Variants in WNT11 observed in about 807,000 individuals in gnomAD.
The protein encoded by WNT11 is protein Wnt-11.
WNT11 carries 20 observed loss-of-function variants against 35.6 expected under a neutral mutation model. That is an observed-to-expected ratio of 0.56 (90% CI 0.40 to 0.82). The LOEUF (loss-of-function observed/expected upper bound fraction) is 0.82. Ranked by LOEUF, WNT11 falls within the 40% of genes least tolerant of loss-of-function variation. The pLI, the probability that WNT11 is intolerant of heterozygous loss-of-function variation, is 0.00. For missense variants in WNT11, 459 were observed against 504.4 expected, an observed-to-expected ratio of 0.91 and a Z score of 0.86; for synonymous variants, 200 against 211.9, an observed-to-expected ratio of 0.94 and a Z score of 0.49.
chr11:76,210,344 T>G (rs565829211), upstream of WNT11: 1 of 817,964 alleles, frequency 1.2e-6, no homozygotes, highest in African/African-American at 1.8e-5. Context: ...TTGGTTTGCT[T>G]ACCCGGGAGT....
chr11:76,187,795 T>C (rs1005618446), intron 4 of WNT11, among the ~76,000 whole-genome samples: 8 of 152,202 alleles, frequency 5.3e-5, no homozygotes, highest in African/African-American at 1.7e-4. Context: ...TGTTTTGTTG[T>C]CTTGGAGATA....
intron 4 of WNT11, 28 bp from the exon 5 acceptor site, chr11:76,187,267 T>A (rs758728278): frequency 6.3e-7 from 1 of 1,587,246 alleles, no homozygotes; most frequent in Non-Finnish European, 8.5e-7. Flanking sequence ...AGGAGGTCAG[T>A]GCATGCCTTG....
intron 4 of WNT11, among the ~76,000 whole-genome samples, chr11:76,190,544 C>T (rs4945045): frequency 0.12 from 18,584 of 152,134 alleles, 1,268 homozygotes; most frequent in Non-Finnish European, 0.15. Flanking sequence ...ACGTGGGCTG[C>T]GGAGGAAGTC....
At chr11:76,205,352 C>G (rs1174358905) in intron 1 of WNT11, among the ~76,000 whole-genome samples, 1 of 152,016 alleles carries the variant, frequency 6.6e-6, no homozygotes, top group African/African-American at 2.4e-5. Context: ...ATTCCAGACC[C>G]TTGTCCTGTC....
In WNT11 at chr11:76,205,837, G is replaced by C. The variant is rs188124749; in HGVS notation, c.83+488C>G. ...TCATCTGATTTGAGGGAGGTGGGGA[G>C]TCTCACCCTCCCGTGACAGAGGAGG... is the stretch of plus-strand genomic sequence containing the variant. On this transcript the variant is annotated intron_variant, in intron 1 of 4. Transcript: ENST00000322563. 4.9e-3 allele frequency among the ~76,000 whole-genome samples: 751 copies of C among 152,314 alleles called. 6 individuals are homozygous for C. The highest frequency in any genetic ancestry group is 0.046 in the South Asian group (222 of 4,828).
At chr11:76,197,794 C>T (rs956591510) in intron 1 of WNT11, among the ~76,000 whole-genome samples, 2 of 152,128 alleles carry the variant, frequency 1.3e-5, no homozygotes, top group African/African-American at 4.8e-5. Context: ...CCAGGCCCCT[C>T]CTCGATCTGC....
At chr11:76,200,841 G>A (rs781408326) in intron 1 of WNT11, among the ~76,000 whole-genome samples, 51 of 152,356 alleles carry the variant, frequency 3.3e-4, no homozygotes, top group African/African-American at 7.5e-4. Context: ...GCACATCAGC[G>A]CATGGCCTAG....
At chr11:76,187,340 A>G in intron 4 of WNT11, 101 bp from the exon 5 acceptor site, 1 of 1,163,132 alleles carries the variant, frequency 8.6e-7, no homozygotes, top group Non-Finnish European at 1.1e-6. Context: ...TCCCATGGCC[A>G]CCGACTCAGC....
chr11:76,210,752 C>A (rs1953562010), upstream of WNT11: 12 of 870,940 alleles, frequency 1.4e-5, no homozygotes, highest in Non-Finnish European at 1.7e-5. Context: ...CCTCGCCTGG[C>A]GCGATCTCCG....
intron 2 of WNT11, chr11:76,195,175 G>A (rs539726129): frequency 4.8e-5 from 17 of 354,434 alleles, no homozygotes; most frequent in South Asian, 3.7e-4. Flanking sequence ...CTCCTGATGC[G>A]CCAGACAAAT....
rs1591314495 is a variant in WNT11 at position 76,206,414 on chromosome 11, G to C, written c.-7C>G. 1.3e-6 allele frequency: 2 copies of C among 1,500,712 alleles called. No homozygotes were observed. Among genetic ancestry groups the C allele is most frequent in the African/African-American group, 1.4e-5 (1 of 69,726 alleles). The allele number at this position is 1,500,712 out of a possible 1,614,324, so 93.0% of individuals were successfully genotyped here. A position where few individuals can be genotyped will look rare whatever the true frequency, so the allele number is the denominator to read the frequency against. On this transcript the variant is annotated 5_prime_UTR_variant, in exon 1 of 5. Transcript: ENST00000322563. ...CCTGCGGCCGCGCCCTCATCGTCGC[G>C]CGGCGGGCGCGCCCGGGGTCACACC...
chr11:76,202,549 C>T (rs1953397076), intron 1 of WNT11, among the ~76,000 whole-genome samples: 2 of 152,044 alleles, frequency 1.3e-5, no homozygotes, highest in Admixed American at 6.5e-5. Context: ...CCCAGCCTCT[C>T]CCCAGGCTTC....
intron 3 of WNT11, 28 bp from the exon 4 acceptor site, chr11:76,191,884 G>C (rs1441962554): frequency 1.3e-6 from 2 of 1,578,892 alleles, no homozygotes; most frequent in South Asian, 2.3e-5. Context: ...CGTCAGCTGG[G>C]TGGCCAGAGT....
chr11:76,196,449 C>T (rs1953287581), intron 2 of WNT11, 34 bp downstream of exon 2: 2 of 1,606,976 alleles, frequency 1.2e-6, no homozygotes, highest in African/African-American at 1.3e-5. Context: ...TTCACCCGCA[C>T]CCACATGCAT....
intron 4 of WNT11, 65 bp from the exon 5 acceptor site, chr11:76,187,304 C>A: frequency 2.7e-6 from 4 of 1,483,692 alleles, no homozygotes; most frequent in Admixed American, 2.1e-5. Context: ...CACCCCATGA[C>A]TCCCAGCCAG....
At chr11:76,210,573 G>A (rs543302239), upstream of WNT11, 10 of 985,234 alleles carry the variant, frequency 1.0e-5, no homozygotes, top group African/African-American at 1.7e-5. Flanking sequence ...CACTCCGGCT[G>A]GGCGAGCGGC....
intron 1 of WNT11, among the ~76,000 whole-genome samples, chr11:76,201,403 C>T (rs762479128): frequency 1.3e-5 from 2 of 152,218 alleles, no homozygotes; most frequent in Non-Finnish European, 2.9e-5. Context: ...TGGTAATGAC[C>T]GTTTCCAAAT....
At position 76,206,429 on chromosome 11, in the gene WNT11, G is replaced by C. The variant is rs745347249; in HGVS notation, c.-22C>G. The C allele has an allele frequency of 5.4e-6, 8 of 1,484,006 alleles. No homozygotes were observed. Among genetic ancestry groups the C allele is most frequent in the Non-Finnish European group, 7.1e-6 (8 of 1,121,456 alleles). The allele number at this position is 1,484,006 out of a possible 1,614,324, so 91.9% of individuals were successfully genotyped here. A position where few individuals can be genotyped will look rare whatever the true frequency, so the allele number is the denominator to read the frequency against. Reference sequence around the variant, plus strand: ...TCATCGTCGCGCGGCGGGCGCGCCCGGGGTCACACCCAGGAGGAGCCGCGC... The same window carrying C: ...TCATCGTCGCGCGGCGGGCGCGCCCCGGGTCACACCCAGGAGGAGCCGCGC... On this transcript the variant is annotated 5_prime_UTR_variant, in exon 1 of 5. Coordinates refer to ENST00000322563, the MANE Select transcript of WNT11 (RefSeq NM_004626.3).
intron 1 of WNT11, among the ~76,000 whole-genome samples, chr11:76,202,582 T>C (rs1269592390): frequency 6.6e-6 from 1 of 151,424 alleles, no homozygotes. Flanking sequence ...TGGGGCAACC[T>C]TGGGGAAGCT....
Sources: allele counts gnomAD v4.1 joint callset (sites outside exome capture counted in the v4.1 genomes callset), GRCh38; gene constraint gnomAD v4.1.1; transcripts MANE v1.5; gene names NCBI Gene and HGNC (gene_info 2026-07-23, HGNC 2026-07-21).